VWA3B: variants seen among roughly 807,000 people sequenced by gnomAD.
VWA3B encodes the protein von Willebrand factor A domain-containing protein 3B.
A neutral mutation model predicts 158.3 loss-of-function variants in VWA3B; 138 were observed. The observed-to-expected ratio is 0.87, with a 90% CI of 0.76 to 1.00. The LOEUF (loss-of-function observed/expected upper bound fraction) is 1.00, where lower values mean the gene tolerates loss of function less well. Among genes scored for constraint, VWA3B ranks in the 50% least tolerant of loss-of-function variants. VWA3B has a pLI of 0.00. For synonymous variants in VWA3B, 596 were observed against 587.3 expected (o/e 1.01, Z -0.21); for missense variants, 1,555 against 1,565.1 (o/e 0.99, Z 0.11).
chr2:98,188,345 T>C (rs551559443), intron 10 of VWA3B, among the ~76,000 whole-genome samples: 7 of 152,318 alleles, frequency 4.6e-5, no homozygotes, highest in African/African-American at 1.4e-4. Context: ...CGTTTCTGTA[T>C]GTTGTGAACA....
intron 5 of VWA3B, among the ~76,000 whole-genome samples, chr2:98,127,631 T>C (rs1211995273): frequency 2.0e-5 from 3 of 147,542 alleles, no homozygotes; most frequent in Non-Finnish European, 4.5e-5. Context: ...AGGGGTTGCT[T>C]ATTCTTCCAT....
intron 26 of VWA3B, among the ~76,000 whole-genome samples, chr2:98,309,199 C>G (rs115225478): frequency 0.039 from 5,924 of 151,606 alleles, 168 homozygotes; most frequent in Middle Eastern, 0.075. Flanking sequence ...GAAAAAAAAG[C>G]CTTTTTAGAG....
intron 7 of VWA3B, among the ~76,000 whole-genome samples, chr2:98,148,032 C>T (rs1184153407): frequency 1.3e-5 from 2 of 152,180 alleles, no homozygotes; most frequent in Non-Finnish European, 2.9e-5. Context: ...CTACAAAGGA[C>T]AGGAACTCAT....
intron 2 of VWA3B, among the ~76,000 whole-genome samples, chr2:98,113,778 C>T (rs776735641): frequency 6.6e-6 from 1 of 152,176 alleles, no homozygotes; most frequent in Non-Finnish European, 1.5e-5. Flanking sequence ...TCTTTTGTGA[C>T]TGGCCTCTTT....
At chr2:98,249,407 A>G (rs1001646646) in intron 19 of VWA3B, among the ~76,000 whole-genome samples, 2 of 152,180 alleles carry the variant, frequency 1.3e-5, no homozygotes, top group Non-Finnish European at 2.9e-5. Flanking sequence ...AAGAATTTGG[A>G]AAAAAAGATT....
At chr2:98,276,629 G>A (rs980077216) in intron 22 of VWA3B, among the ~76,000 whole-genome samples, 2 of 146,580 alleles carry the variant, frequency 1.4e-5, no homozygotes, top group African/African-American at 2.6e-5. Flanking sequence ...GGCTGCCCAC[G>A]TGTGTCCAGA....
intron 10 of VWA3B, among the ~76,000 whole-genome samples, chr2:98,189,462 G>C (rs1681397496): frequency 6.6e-6 from 1 of 152,110 alleles, no homozygotes; most frequent in Non-Finnish European, 1.5e-5. Context: ...TAATTTCACT[G>C]TAAACAGAGA....
chr2:98,230,028 C>T, intron 15 of VWA3B, 22 bp from the exon 16 acceptor site: 1 of 1,549,542 alleles, frequency 6.5e-7, no homozygotes, highest in Admixed American at 2.2e-5. Context: ...TTTTGCTCGA[C>T]TTTTTATCTA....
chr2:98,093,021 C>G (rs1447773559), intron 1 of VWA3B, 40 bp from the exon 2 acceptor site: 1 of 1,488,364 alleles, frequency 6.7e-7, no homozygotes, highest in Admixed American at 2.0e-5. Context: ...AGATGATTTC[C>G]AAGTTTTTAG....
chr2:98,301,394 C>A (rs906989608), intron 25 of VWA3B, among the ~76,000 whole-genome samples: 7 of 151,622 alleles, frequency 4.6e-5, no homozygotes, highest in Admixed American at 3.3e-4. Flanking sequence ...TGCTTCACCC[C>A]CTGAGACTCA....
At chr2:98,320,560 A>G in the VWA3B span, among the ~76,000 whole-genome samples, 1 of 152,338 alleles carries the variant, frequency 6.6e-6, no homozygotes, top group South Asian at 2.1e-4. Context: ...TGACAGTGAT[A>G]TGGACAATAA....
At chr2:98,310,170 T>C (rs929061669) in intron 26 of VWA3B, among the ~76,000 whole-genome samples, 1 of 152,234 alleles carries the variant, frequency 6.6e-6, no homozygotes, top group African/African-American at 2.4e-5. Context: ...GCCTACTCCA[T>C]GGGTCCTCTT....
At chr2:98,294,188 A>G (rs1574296063) in intron 23 of VWA3B, among the ~76,000 whole-genome samples, 1 of 80,902 alleles carries the variant, frequency 1.2e-5, no homozygotes, top group African/African-American at 4.6e-5. Flanking sequence ...TTTCCCTCAC[A>G]CACACACACA....
chr2:98,221,624 C>T (rs1469678793), intron 14 of VWA3B, among the ~76,000 whole-genome samples: 1 of 152,160 alleles, frequency 6.6e-6, no homozygotes, highest in Non-Finnish European at 1.5e-5. Context: ...GTCAGTGAGG[C>T]TTAGTGGAAA....
At chr2:98,295,060 A>G (rs62155291) in intron 23 of VWA3B, among the ~76,000 whole-genome samples, 5,932 of 152,112 alleles carry the variant, frequency 0.039, 170 homozygotes, top group Middle Eastern at 0.075. Flanking sequence ...GCTGCTTTCT[A>G]TTTCACAGCA....
At chr2:98,216,660 A>G (rs1261788006) in intron 13 of VWA3B, 1 of 467,732 alleles carries the variant, frequency 2.1e-6, no homozygotes, top group East Asian at 7.0e-5. Flanking sequence ...GAATGGGGAA[A>G]GTGGCTCAGG....
intron 5 of VWA3B, among the ~76,000 whole-genome samples, chr2:98,127,011 AG>A (rs1284276834): frequency 1.4e-5 from 2 of 140,316 alleles, no homozygotes; most frequent in Non-Finnish European, 3.1e-5. Context: ...GGCCTCGGAT[AG>A]ATACTGAGGT....
At chr2:98,170,710 G>A (rs958231249) in intron 8 of VWA3B, among the ~76,000 whole-genome samples, 2 of 151,832 alleles carry the variant, frequency 1.3e-5, no homozygotes, top group Non-Finnish European at 2.9e-5. Context: ...GGGTTCAAGT[G>A]ATTGTCCTGC....
At chr2:98,102,127 T>TGCCCTTACC (rs1553635499) in intron 2 of VWA3B, among the ~76,000 whole-genome samples, 21 of 151,874 alleles carry the variant, frequency 1.4e-4, no homozygotes, top group African/African-American at 4.8e-4. Context: ...CATCTTGCAC[T>TGCCCTTACC]GCCCTTAATC....
Sources: allele counts gnomAD v4.1 joint callset (sites outside exome capture counted in the v4.1 genomes callset), GRCh38; gene constraint gnomAD v4.1.1; transcripts MANE v1.5; gene names NCBI Gene and HGNC (gene_info 2026-07-23, HGNC 2026-07-21).